PPFIBP1: variants seen among roughly 807,000 people sequenced by gnomAD.
PPFIBP1 encodes the protein PPFIB scaffold protein 1, also known as liprin-beta-1.
Under a neutral mutation model 137.8 loss-of-function variants are expected in PPFIBP1, and 112 were observed. The ratio of observed to expected loss-of-function variants is 0.81; its 90% CI spans 0.70 to 0.95. The LOEUF (loss-of-function observed/expected upper bound fraction) is 0.95. Ranked by LOEUF, PPFIBP1 falls within the 40% of genes least tolerant of loss-of-function variation. PPFIBP1 has a pLI of 0.00. For missense variants in PPFIBP1, 1,083 were observed against 1,196.6 expected (o/e 0.91, Z 1.40); for synonymous variants, 378 against 417.3 (o/e 0.91, Z 1.15).
rs2058394295 is a variant in PPFIBP1, at chr12:27,645,313, A to T, written c.271-749A>T. Among the ~76,000 whole-genome samples, 3 of 152,188 alleles carry T rather than the reference A, an allele frequency of 2.0e-5. No homozygotes were observed. The South Asian group carries it at 6.2e-4, about 32-fold the overall frequency. The stretch of plus-strand genomic sequence containing the variant: ...GCTTTTAGGTTTTCTGTTCTTTGTG[A>T]GCCTCTTTGTGTGTCTTTTTCATGA... On this transcript the variant is annotated intron_variant, in intron 4 of 29. Transcript: ENST00000228425.
chr12:27,537,926 T>C (rs1945232404), intron 1 of PPFIBP1, among the ~76,000 whole-genome samples: 1 of 152,158 alleles, frequency 6.6e-6, no homozygotes, highest in Non-Finnish European at 1.5e-5. Context: ...ATGTTGATCT[T>C]TTAGTCTGAG....
At chr12:27,671,395 T>G in intron 13 of PPFIBP1, 36 bp from the exon 14 acceptor site, 1 of 1,200,484 alleles carries the variant, frequency 8.3e-7, no homozygotes, top group Non-Finnish European at 1.2e-6. Context: ...TGTTTTGTTT[T>G]GATTGATTGA....
chr12:27,682,011 T>C (rs1307401191), intron 22 of PPFIBP1, among the ~76,000 whole-genome samples: 4 of 136,666 alleles, frequency 2.9e-5, no homozygotes, highest in African/African-American at 1.1e-4. Context: ...GTGTAAGATA[T>C]GCAATTAACT....
chr12:27,600,834 T>C (rs770231688), intron 2 of PPFIBP1, among the ~76,000 whole-genome samples: 8 of 152,218 alleles, frequency 5.3e-5, no homozygotes, highest in Admixed American at 1.3e-4. Flanking sequence ...CTTTTTCTTT[T>C]ATTAAAGTTA....
intron 1 of PPFIBP1, among the ~76,000 whole-genome samples, chr12:27,551,403 C>A (rs1946764002): frequency 6.6e-6 from 1 of 152,316 alleles, no homozygotes; most frequent in East Asian, 1.9e-4. Context: ...CTAAACCTGG[C>A]ATTAGCTAGT....
intron 9 of PPFIBP1, 110 bp from the exon 10 acceptor site, chr12:27,658,706 T>G: frequency 8.3e-7 from 1 of 1,210,546 alleles, no homozygotes; most frequent in Non-Finnish European, 1.2e-6. Flanking sequence ...TTTTATGAGG[T>G]TAGATTTCCG....
In PPFIBP1 at chr12:27,647,718, T is replaced by C; in HGVS notation, c.358-11T>C. 6.4e-7 allele frequency: 1 copy of C among 1,559,800 alleles called. No individual in the cohort carries two copies. Among genetic ancestry groups the C allele is most frequent in the South Asian group, 1.2e-5 (1 of 82,322 alleles). On this transcript the variant is annotated splice_polypyrimidine_tract_variant and intron_variant, in intron 5 of 29. Coordinates refer to ENST00000228425, the MANE Select transcript of PPFIBP1 (RefSeq NM_003622.4). Reference sequence around the variant, plus strand: ...TTTTTCACTCATTGCATTATTTTGCTCTAAATACAGGTAAGTGTGTTAACA... The same window carrying C: ...TTTTTCACTCATTGCATTATTTTGCCCTAAATACAGGTAAGTGTGTTAACA...
At chr12:27,635,219 C>A (rs2139081165) in intron 4 of PPFIBP1, 104 bp downstream of exon 4, 2 of 1,050,242 alleles carry the variant, frequency 1.9e-6, no homozygotes, top group East Asian at 2.4e-5. Context: ...TAGGGCAACA[C>A]ATGTGCTCCG....
intron 1 of PPFIBP1, among the ~76,000 whole-genome samples, chr12:27,568,902 T>G (rs975407376): frequency 3.9e-5 from 6 of 152,190 alleles, no homozygotes; most frequent in Non-Finnish European, 7.4e-5. Flanking sequence ...TGATAAAAAT[T>G]TAATTATGCA....
intron 10 of PPFIBP1, among the ~76,000 whole-genome samples, chr12:27,660,407 A>G (rs147104766): frequency 6.6e-6 from 1 of 152,344 alleles, no homozygotes; most frequent in Non-Finnish European, 1.5e-5. Flanking sequence ...GCTTCTTAGC[A>G]TGACTACTCA....
intron 2 of PPFIBP1, among the ~76,000 whole-genome samples, chr12:27,604,101 G>A (rs2137865787): frequency 1.3e-5 from 2 of 152,296 alleles, no homozygotes; most frequent in South Asian, 2.1e-4. Context: ...GGGATGGGGT[G>A]GAAGTAAGAG....
chr12:27,530,661 A>G (rs1245496301), intron 1 of PPFIBP1, among the ~76,000 whole-genome samples: 3 of 152,124 alleles, frequency 2.0e-5, no homozygotes, highest in African/African-American at 7.2e-5. Context: ...ATTCACCACT[A>G]TGTCCAGTTA....
intron 12 of PPFIBP1, 77 bp from the exon 13 acceptor site, chr12:27,667,089 G>A: frequency 7.4e-7 from 1 of 1,348,596 alleles, no homozygotes; most frequent in East Asian, 2.5e-5. Context: ...GTTATAATTG[G>A]GATTCTTATC....
At chr12:27,537,841 A>G (rs1945222021) in intron 1 of PPFIBP1, among the ~76,000 whole-genome samples, 1 of 152,060 alleles carries the variant, frequency 6.6e-6, no homozygotes, top group African/African-American at 2.4e-5. Context: ...TTGCTGTGGC[A>G]AAATCTTCAC....
At chr12:27,677,030 C>A in intron 18 of PPFIBP1, 34 bp from the exon 19 acceptor site, 2 of 1,614,052 alleles carry the variant, frequency 1.2e-6, no homozygotes, top group Non-Finnish European at 1.7e-6. Flanking sequence ...CATTGGGCTG[C>A]GTGTGATTGT....
intron 2 of PPFIBP1, among the ~76,000 whole-genome samples, chr12:27,587,222 C>A (rs1173737641): frequency 6.6e-6 from 1 of 151,960 alleles, no homozygotes; most frequent in Non-Finnish European, 1.5e-5. Flanking sequence ...ATGAAGGAGT[C>A]CAGATTAAAG....
chr12:27,666,422 T>C (rs181438383), intron 12 of PPFIBP1, among the ~76,000 whole-genome samples: 43 of 152,360 alleles, frequency 2.8e-4, no homozygotes, highest in African/African-American at 1.0e-3. Context: ...AGCTGTGGTC[T>C]GATTAAGATC....
intron 2 of PPFIBP1, among the ~76,000 whole-genome samples, chr12:27,608,048 C>G (rs1353728867): frequency 1.3e-5 from 2 of 152,066 alleles, no homozygotes; most frequent in Non-Finnish European, 1.5e-5. Flanking sequence ...CATTGCAGTT[C>G]TTTTTAAAAG....
At chr12:27,596,055 G>A in intron 2 of PPFIBP1, among the ~76,000 whole-genome samples, 1 of 139,242 alleles carries the variant, frequency 7.2e-6, no homozygotes, top group Admixed American at 7.6e-5. Context: ...CTCTAAATAA[G>A]GGGCATGGGT....
Sources: allele counts gnomAD v4.1 joint callset (sites outside exome capture counted in the v4.1 genomes callset), GRCh38; gene constraint gnomAD v4.1.1; transcripts MANE v1.5; gene names NCBI Gene and HGNC (gene_info 2026-07-23, HGNC 2026-07-21).